The following PHACTR1 variants were observed in gnomAD, a reference collection of about 807,000 sequenced individuals.
The protein encoded by PHACTR1 is phosphatase and actin regulator 1.
PHACTR1 carries 16 observed loss-of-function variants against 69.2 expected under a neutral mutation model. That is an observed-to-expected ratio of 0.23 (90% CI 0.16 to 0.35). PHACTR1 has a LOEUF of 0.35. Among genes scored for constraint, PHACTR1 ranks in the 10% least tolerant of loss-of-function variants. The pLI is 1.00. For synonymous variants in PHACTR1, 312 were observed against 284.5 expected (o/e 1.10, Z -0.97); for missense variants, 510 against 734.7 (o/e 0.69, Z 3.54).
chr6:12,916,216 T>C (rs1582464257), intron 4 of PHACTR1, among the ~76,000 whole-genome samples: 2 of 152,314 alleles, frequency 1.3e-5, no homozygotes, highest in South Asian at 4.1e-4. Flanking sequence ...CGCAGCAGGT[T>C]ACTCACAATC....
intron 5 of PHACTR1, among the ~76,000 whole-genome samples, chr6:13,100,238 G>A (rs982065855): frequency 3.3e-5 from 5 of 152,100 alleles, no homozygotes; most frequent in African/African-American, 1.2e-4. Context: ...AGGTAAACTT[G>A]TTATTTTTAT....
intron 3 of PHACTR1, among the ~76,000 whole-genome samples, chr6:12,742,411 G>T (rs985529953): frequency 1.3e-5 from 2 of 152,142 alleles, no homozygotes; most frequent in African/African-American, 4.8e-5. Flanking sequence ...ATAATGAGAA[G>T]TGAGGACAAC....
At position 13,160,315 on chromosome 6, in the gene PHACTR1, C is replaced by G. The variant is rs1479604096; in HGVS notation, c.496+31C>G. On this transcript the variant is annotated intron_variant, in intron 6 of 14. Coordinates refer to ENST00000332995, the MANE Select transcript of PHACTR1 (RefSeq NM_030948.6). The stretch of plus-strand genomic sequence containing the variant: ...GAGGATTGGTCTGTCATCCCCGGGT[C>G]AAAGAGTCATGCGTGGAATCTGCAT... 2.5e-6 allele frequency: 4 copies of G among 1,578,870 alleles called. No individual in the cohort carries two copies. In the African/African-American group the frequency reaches 5.4e-5, roughly 21 times the overall value.
chr6:13,251,500 T>C (rs1334357241), intron 10 of PHACTR1, among the ~76,000 whole-genome samples: 1 of 152,176 alleles, frequency 6.6e-6, no homozygotes, highest in Non-Finnish European at 1.5e-5. Context: ...CTCTGATGTC[T>C]GTCTGGCCTC....
At chr6:12,789,246 T>A (rs1771922919) in intron 4 of PHACTR1, among the ~76,000 whole-genome samples, 1 of 152,204 alleles carries the variant, frequency 6.6e-6, no homozygotes, top group Non-Finnish European at 1.5e-5. Flanking sequence ...AGCAACATTT[T>A]GTACTACAGA....
rs575987736 is a variant in PHACTR1, at chr6:12,840,839, G to T, written c.250+91049G>T. Among the ~76,000 whole-genome samples, 9 of 152,290 alleles carry T rather than the reference G, an allele frequency of 5.9e-5. No homozygotes were observed. In the South Asian group the frequency reaches 1.9e-3, roughly 32 times the overall value. The stretch of plus-strand genomic sequence containing the variant: ...GGGATATTATCACTGCTTTAAAGGA[G>T]AGTACTATGCATGAAGGAAGTATTT... On this transcript the variant is annotated intron_variant, in intron 4 of 14. Coordinates refer to ENST00000332995, the MANE Select transcript of PHACTR1 (RefSeq NM_030948.6).
chr6:12,975,724 A>G (rs145549209), intron 4 of PHACTR1, among the ~76,000 whole-genome samples: 3 of 152,264 alleles, frequency 2.0e-5, no homozygotes, highest in Non-Finnish European at 4.4e-5. Context: ...TGGGACTATA[A>G]GAACACACCA....
chr6:12,809,638 A>C (rs191454305), intron 4 of PHACTR1, among the ~76,000 whole-genome samples: 1 of 152,158 alleles, frequency 6.6e-6, no homozygotes, highest in Non-Finnish European at 1.5e-5. Flanking sequence ...AAAAAATTCT[A>C]TTTACTTCTA....
chr6:13,259,089 C>T (rs1296559153), intron 10 of PHACTR1, among the ~76,000 whole-genome samples: 1 of 152,140 alleles, frequency 6.6e-6, no homozygotes, highest in Non-Finnish European at 1.5e-5. Flanking sequence ...AGCTTTTTGG[C>T]ATCACAATGT....
At chr6:12,818,048 C>A (rs988199784) in intron 4 of PHACTR1, among the ~76,000 whole-genome samples, 1 of 152,138 alleles carries the variant, frequency 6.6e-6, no homozygotes, top group South Asian at 2.1e-4. Context: ...TGGTCTCGAT[C>A]TCCTGACCTC....
At chr6:13,030,142 C>T (rs555592217) in intron 4 of PHACTR1, among the ~76,000 whole-genome samples, 5 of 152,294 alleles carry the variant, frequency 3.3e-5, no homozygotes, top group South Asian at 4.1e-4. Flanking sequence ...TATTTTTATA[C>T]TCCTGGCCTT....
At chr6:12,872,207 G>A (rs1462802135) in intron 4 of PHACTR1, among the ~76,000 whole-genome samples, 1 of 152,056 alleles carries the variant, frequency 6.6e-6, no homozygotes, top group Non-Finnish European at 1.5e-5. Flanking sequence ...ACTTTTATCT[G>A]TTAGCGGTAC....
chr6:13,144,848 A>G (rs751634928), intron 5 of PHACTR1, among the ~76,000 whole-genome samples: 2 of 152,118 alleles, frequency 1.3e-5, no homozygotes, highest in Non-Finnish European at 2.9e-5. Flanking sequence ...GAACCAAGTT[A>G]AAGGATGTAT....
At chr6:12,789,757 T>C (rs1348114344) in intron 4 of PHACTR1, among the ~76,000 whole-genome samples, 1 of 151,674 alleles carries the variant, frequency 6.6e-6, no homozygotes, top group Non-Finnish European at 1.5e-5. Flanking sequence ...TTTTTATTTT[T>C]ATTTTTTATT....
intron 4 of PHACTR1, among the ~76,000 whole-genome samples, chr6:12,993,771 T>C (rs1169924235): frequency 6.6e-6 from 1 of 152,210 alleles, no homozygotes; most frequent in East Asian, 1.9e-4. Context: ...CCAGAGGATT[T>C]GGGAATCCTG....
chr6:12,842,799 C>A (rs1473991239), intron 4 of PHACTR1, among the ~76,000 whole-genome samples: 2 of 152,104 alleles, frequency 1.3e-5, no homozygotes, highest in South Asian at 4.1e-4. Flanking sequence ...CATGCCTCGG[C>A]CTTCCAAAGT....
At chr6:13,025,254 C>T (rs974896729) in intron 4 of PHACTR1, among the ~76,000 whole-genome samples, 2 of 151,748 alleles carry the variant, frequency 1.3e-5, no homozygotes, top group Non-Finnish European at 2.9e-5. Context: ...CACTCCGTCT[C>T]AAAAACAAAA....
chr6:12,720,892 C>T (rs759686847), intron 3 of PHACTR1, among the ~76,000 whole-genome samples: 3 of 152,218 alleles, frequency 2.0e-5, no homozygotes, highest in Non-Finnish European at 4.4e-5. Flanking sequence ...GTACTCAACA[C>T]TAGAGGCAGG....
chr6:13,131,922 C>A (rs1820529017), intron 5 of PHACTR1, among the ~76,000 whole-genome samples: 1 of 152,184 alleles, frequency 6.6e-6, no homozygotes, highest in African/African-American at 2.4e-5. Context: ...AAGCTGAACT[C>A]AGCTGTCATT....
Sources: allele counts gnomAD v4.1 joint callset (sites outside exome capture counted in the v4.1 genomes callset), GRCh38; gene constraint gnomAD v4.1.1; transcripts MANE v1.5; gene names NCBI Gene and HGNC (gene_info 2026-07-23, HGNC 2026-07-21).